The following RAB10 variants were observed in gnomAD, a reference collection of about 807,000 sequenced individuals.
RAB10 encodes ras-related protein Rab-10.
A neutral mutation model predicts 25.7 loss-of-function variants in RAB10; 5 were observed. The ratio of observed to expected loss-of-function variants is 0.19; its 90% CI spans 0.10 to 0.41. The LOEUF (loss-of-function observed/expected upper bound fraction) is 0.41. Ranked by LOEUF, RAB10 falls within the 10% of genes least tolerant of loss-of-function variation. The pLI is 1.00. For missense variants in RAB10, 103 were observed against 245.8 expected (o/e 0.42, Z 3.89); for synonymous variants, 89 against 86.4 (o/e 1.03, Z -0.16).
chr2:26,081,002 G>A (rs777853223), intron 1 of RAB10, among the ~76,000 whole-genome samples: 1 of 152,150 alleles, frequency 6.6e-6, no homozygotes, highest in Non-Finnish European at 1.5e-5. Flanking sequence ...CACATGTTGT[G>A]GGAGGAACCT....
chr2:26,050,184 T>G (rs951759906), intron 1 of RAB10, among the ~76,000 whole-genome samples: 2 of 152,226 alleles, frequency 1.3e-5, no homozygotes, highest in Non-Finnish European at 2.9e-5. Context: ...AGGAAATTTT[T>G]TGAGGCTTTC....
At chr2:26,092,381 A>T (rs1667128645) in intron 1 of RAB10, among the ~76,000 whole-genome samples, 1 of 151,586 alleles carries the variant, frequency 6.6e-6, no homozygotes. Flanking sequence ...TCAAGAGGTG[A>T]GAGGAGAGAA....
At chr2:26,110,310 C>G (rs900038027) in intron 3 of RAB10, among the ~76,000 whole-genome samples, 4 of 149,088 alleles carry the variant, frequency 2.7e-5, no homozygotes, top group Non-Finnish European at 5.9e-5. Context: ...TGCACTCCAG[C>G]CTGGGCAACA....
At chr2:26,063,115 CA>C (rs5829994) in intron 1 of RAB10, among the ~76,000 whole-genome samples, 68 of 141,516 alleles carry the variant, frequency 4.8e-4, no homozygotes, top group Non-Finnish European at 3.7e-4. Context: ...AACTCCATCT[CA>C]AAAAAAAAAA....
At chr2:26,057,025 G>T (rs527752017) in intron 1 of RAB10, among the ~76,000 whole-genome samples, 2 of 152,254 alleles carry the variant, frequency 1.3e-5, no homozygotes, top group East Asian at 3.9e-4. Flanking sequence ...TCTATGCCAC[G>T]TATTTCTGGT....
At chr2:26,082,762 G>A (rs1172648200) in intron 1 of RAB10, among the ~76,000 whole-genome samples, 2 of 152,072 alleles carry the variant, frequency 1.3e-5, no homozygotes, top group African/African-American at 4.8e-5. Flanking sequence ...TATGGGATCA[G>A]CCTTGTCTTG....
chr2:26,057,333 G>T (rs186053542), intron 1 of RAB10, among the ~76,000 whole-genome samples: 1 of 151,992 alleles, frequency 6.6e-6, no homozygotes, highest in Admixed American at 6.6e-5. Context: ...GAGACTGGAG[G>T]CAGGAGGATT....
At chr2:26,126,098 A>G (rs527262307) in intron 3 of RAB10, among the ~76,000 whole-genome samples, 18 of 152,268 alleles carry the variant, frequency 1.2e-4, no homozygotes, top group Admixed American at 7.2e-4. Flanking sequence ...TCCTAGTGCT[A>G]TTTATTGAAA....
intron 1 of RAB10, among the ~76,000 whole-genome samples, chr2:26,092,849 A>G (rs1667137440): frequency 6.6e-6 from 1 of 152,170 alleles, no homozygotes; most frequent in South Asian, 2.1e-4. Context: ...TTTCTGAGAA[A>G]TTCTTAAAGA....
intron 3 of RAB10, among the ~76,000 whole-genome samples, chr2:26,126,038 G>GTT (rs1667897584): frequency 1.3e-5 from 2 of 152,012 alleles, no homozygotes; most frequent in Admixed American, 6.6e-5. Flanking sequence ...TTTTTATATG[G>GTT]TTTAAAATAA....
At chr2:26,119,710 G>A (rs967796976) in intron 3 of RAB10, among the ~76,000 whole-genome samples, 1 of 152,014 alleles carries the variant, frequency 6.6e-6, no homozygotes, top group African/African-American at 2.4e-5. Context: ...GTGGTGATGG[G>A]GTCTTACTGT....
At chr2:26,068,696 G>A (rs4233710) in intron 1 of RAB10, among the ~76,000 whole-genome samples, 126,210 of 152,146 alleles carry the variant, frequency 0.83, 52,683 homozygotes, top group African/African-American at 0.93. Flanking sequence ...TAAATTGGGC[G>A]TGTTTGAGAA....
chr2:26,092,973 T>G (rs1228925861), intron 1 of RAB10, among the ~76,000 whole-genome samples: 1 of 152,142 alleles, frequency 6.6e-6, no homozygotes, highest in Non-Finnish European at 1.5e-5. Flanking sequence ...TTTTGACTGA[T>G]TAAAAAGCAG....
chr2:26,074,034 A>T (rs1299035712), intron 1 of RAB10, among the ~76,000 whole-genome samples: 1 of 152,160 alleles, frequency 6.6e-6, no homozygotes, highest in African/African-American at 2.4e-5. Context: ...CGGAATTTGG[A>T]CTTTGTCTAG....
chr2:26,037,527 TACTC>T (rs1030472537), intron 1 of RAB10, among the ~76,000 whole-genome samples: 1 of 151,956 alleles, frequency 6.6e-6, no homozygotes, highest in African/African-American at 2.4e-5. Context: ...TAATCCCAGT[TACTC>T]AGGAGGCTGA....
At chr2:26,087,593 G>T (rs1171174195) in intron 1 of RAB10, among the ~76,000 whole-genome samples, 2 of 152,084 alleles carry the variant, frequency 1.3e-5, no homozygotes, top group Non-Finnish European at 2.9e-5. Flanking sequence ...AGTAGAGACG[G>T]GGTTTCACCA....
chr2:26,043,280 T>A (rs959736099), intron 1 of RAB10, among the ~76,000 whole-genome samples: 1 of 152,088 alleles, frequency 6.6e-6, no homozygotes, highest in South Asian at 2.1e-4. Flanking sequence ...AAATTAGCTG[T>A]ACATGTTGGC....
At chr2:26,098,983 G>A (rs1246840087) in intron 2 of RAB10, among the ~76,000 whole-genome samples, 2 of 152,202 alleles carry the variant, frequency 1.3e-5, no homozygotes, top group Non-Finnish European at 2.9e-5. Context: ...AAGGGAGATA[G>A]TAACACCCGT....
intron 1 of RAB10, among the ~76,000 whole-genome samples, chr2:26,094,835 G>A (rs912963188): frequency 3.3e-5 from 5 of 151,992 alleles, no homozygotes; most frequent in African/African-American, 9.7e-5. Context: ...CTGGGATAAC[G>A]GGCGTGAGCC....
Sources: gnomAD v4.1 joint callset for allele counts (sites outside exome capture counted in the v4.1 genomes callset) on GRCh38, gnomAD v4.1.1 for gene constraint, MANE v1.5 for transcripts, NCBI Gene and HGNC (gene_info 2026-07-23, HGNC 2026-07-21) for gene names.